Variants in HAO1 observed in about 807,000 individuals in gnomAD.
HAO1 encodes hydroxyacid oxidase 1, also known as 2-Hydroxyacid oxidase 1.
In HAO1, 34 loss-of-function variants were observed where a neutral mutation model predicts 39.7. The ratio of observed to expected loss-of-function variants is 0.86; its 90% CI spans 0.65 to 1.14. The LOEUF is 1.14. Among genes scored for constraint, HAO1 ranks in the 50% most tolerant of loss-of-function variants. The probability of loss-of-function intolerance (pLI) is 0.00; values close to 1 mark genes in which losing one functional copy is unlikely to be tolerated. For synonymous variants in HAO1, 172 were observed against 173.2 expected (o/e 0.99, Z 0.05); for missense variants, 479 against 464.5 (o/e 1.03, Z -0.29).
chr20:7,928,572 CTCATGCTCAGTA>C (rs2050371398), intron 2 of HAO1, among the ~76,000 whole-genome samples: 1 of 151,142 alleles, frequency 6.6e-6, no homozygotes, highest in South Asian at 2.1e-4. Context: ...ACACAAGTAG[CTCATGCTCAGTA>C]TCACACCTAA....
At chr20:7,892,374 C>T (rs193080606) in intron 5 of HAO1, among the ~76,000 whole-genome samples, 11 of 152,272 alleles carry the variant, frequency 7.2e-5, no homozygotes, top group Admixed American at 2.6e-4. Flanking sequence ...CGTGAGCCAC[C>T]ACTTGACTGT....
chr20:7,936,299 A>G (rs1446085711), intron 1 of HAO1, among the ~76,000 whole-genome samples: 2 of 152,090 alleles, frequency 1.3e-5, no homozygotes, highest in Non-Finnish European at 2.9e-5. Flanking sequence ...TGATTCTTTG[A>G]TCTCCATTTT....
At chr20:7,917,255 G>T (rs2050311082) in intron 2 of HAO1, among the ~76,000 whole-genome samples, 1 of 150,158 alleles carries the variant, frequency 6.7e-6, no homozygotes, top group Non-Finnish European at 1.5e-5. Context: ...CACTAGGATT[G>T]CTTGAACCCA....
intron 4 of HAO1, among the ~76,000 whole-genome samples, chr20:7,903,623 G>A (rs1160678845): frequency 1.3e-5 from 2 of 151,050 alleles, no homozygotes; most frequent in Non-Finnish European, 3.0e-5. Context: ...TAGTGGTGAT[G>A]GGAGTGGTGA....
chr20:7,914,529 G>A (rs2050297517), intron 2 of HAO1, 110 bp from the exon 3 acceptor site: 1 of 1,149,432 alleles, frequency 8.7e-7, no homozygotes, highest in Admixed American at 2.3e-5. Context: ...TTGGCAATAT[G>A]AAGTCAAATC....
At chr20:7,890,722 C>T (rs1239399003) in intron 5 of HAO1, among the ~76,000 whole-genome samples, 1 of 152,044 alleles carries the variant, frequency 6.6e-6, no homozygotes, top group African/African-American at 2.4e-5. Flanking sequence ...CCCAAGTCCC[C>T]AATGTCCATT....
Position 7,934,511 on chromosome 20 carries a change from CAT to C in HAO1, c.260_261del (p.His87ArgfsTer29). The C allele has an allele frequency of 6.2e-7, 1 of 1,612,490 alleles. No individual in the cohort carries two copies. ...CTCACAGTGGCAAGCTCGCCGTCCA[CAT>C]GAGCCATGCGCTGCATGGCCGTAGC... ...VGATAMQRMA[H>X]VDGELATVRA... is the part of the protein sequence containing the mutation. On this transcript the variant is annotated frameshift_variant, in exon 2 of 8. Coordinates refer to ENST00000378789, the MANE Select transcript of HAO1 (RefSeq NM_017545.3). LOFTEE classifies it high-confidence loss of function.
intron 2 of HAO1, among the ~76,000 whole-genome samples, chr20:7,916,020 C>T (rs2050305491): frequency 6.6e-6 from 1 of 152,090 alleles, no homozygotes; most frequent in Non-Finnish European, 1.5e-5. Flanking sequence ...CAAGTAGACA[C>T]ATCCTTTTGA....
intron 5 of HAO1, among the ~76,000 whole-genome samples, chr20:7,891,934 C>A (rs984846609): frequency 6.6e-6 from 1 of 152,158 alleles, no homozygotes; most frequent in African/African-American, 2.4e-5. Context: ...TGTGACCAAC[C>A]TCTCCACCCT....
In HAO1 at chr20:7,940,333, C is replaced by T; in HGVS notation, c.90G>A (p.Gly30=). 6.2e-7 allele frequency: 1 copy of T among 1,611,028 alleles called. No individual in the cohort carries two copies. Among genetic ancestry groups the T allele is most frequent in the Non-Finnish European group, 8.5e-7 (1 of 1,178,542 alleles). Residue 30 remains glycine (G), a synonymous_variant, in exon 1 of 8, where the codon GGG becomes GGA. Coordinates refer to ENST00000378789, the MANE Select transcript of HAO1 (RefSeq NM_017545.3). The part of the protein sequence containing the change: ...PKSIYDYYRS[G]ANDEETLADN... ...CAGCCAAAGTTTCTTCATCATTTGC[C>T]CCAGACCTGTAATAGTCATATATAG...
intron 5 of HAO1, among the ~76,000 whole-genome samples, chr20:7,891,760 C>T (rs369631070): frequency 4.0e-4 from 61 of 152,236 alleles, no homozygotes; most frequent in East Asian, 9.7e-4. Flanking sequence ...ATTCTCTCAG[C>T]GAGAGGGAAA....
At chr20:7,933,752 A>G (rs2122799567) in intron 2 of HAO1, among the ~76,000 whole-genome samples, 1 of 152,288 alleles carries the variant, frequency 6.6e-6, no homozygotes, top group South Asian at 2.1e-4. Context: ...TCTGGAGCAC[A>G]ATTTGGGGAG....
intron 2 of HAO1, among the ~76,000 whole-genome samples, chr20:7,926,023 T>C (rs1356403195): frequency 2.0e-5 from 3 of 152,190 alleles, no homozygotes; most frequent in Non-Finnish European, 4.4e-5. Flanking sequence ...AATCTTTTAA[T>C]ACATATATAA....
chr20:7,930,722 C>G (rs1054329370), intron 2 of HAO1, among the ~76,000 whole-genome samples: 1 of 152,166 alleles, frequency 6.6e-6, no homozygotes, highest in African/African-American at 2.4e-5. Context: ...GCAAAGAGAG[C>G]TGAGGTATTT....
chr20:7,929,614 C>T (rs1259946391), intron 2 of HAO1, among the ~76,000 whole-genome samples: 1 of 152,054 alleles, frequency 6.6e-6, no homozygotes, highest in Non-Finnish European at 1.5e-5. Context: ...GCATGTAATC[C>T]CAGCACTTTG....
At chr20:7,914,466 C>A in intron 2 of HAO1, 47 bp from the exon 3 acceptor site, 1 of 1,595,314 alleles carries the variant, frequency 6.3e-7, no homozygotes. Flanking sequence ...ATTGCTTACC[C>A]TCCCAAACCT....
intron 5 of HAO1, among the ~76,000 whole-genome samples, chr20:7,893,268 G>A (rs952449558): frequency 2.0e-5 from 3 of 152,118 alleles, no homozygotes; most frequent in East Asian, 3.9e-4. Context: ...TGATTCTAAC[G>A]GCCAAGCTTT....
intron 1 of HAO1, among the ~76,000 whole-genome samples, chr20:7,935,085 T>A (rs113825680): frequency 0.013 from 1,992 of 152,320 alleles, 39 homozygotes; most frequent in African/African-American, 0.043. Context: ...TGCAAGAATA[T>A]CATGTAAACA....
intron 2 of HAO1, among the ~76,000 whole-genome samples, chr20:7,918,864 C>T (rs1600116347): frequency 6.6e-6 from 1 of 152,174 alleles, no homozygotes; most frequent in Non-Finnish European, 1.5e-5. Context: ...CTTGAAAGCA[C>T]AAATGTTTTA....
Sources: allele counts gnomAD v4.1 joint callset (sites outside exome capture counted in the v4.1 genomes callset), GRCh38; gene constraint gnomAD v4.1.1; transcripts MANE v1.5; gene names NCBI Gene and HGNC (gene_info 2026-07-23, HGNC 2026-07-21).